The following PDZD2 variants were observed in gnomAD, a reference collection of about 807,000 sequenced individuals.
PDZD2 encodes the protein PDZ domain containing 2.
In PDZD2, 90 loss-of-function variants were observed where a neutral mutation model predicts 220.7. The ratio of observed to expected loss-of-function variants is 0.41; its 90% CI spans 0.34 to 0.49. The LOEUF (loss-of-function observed/expected upper bound fraction) is 0.49. Ranked by LOEUF, PDZD2 falls within the 20% of genes least tolerant of loss-of-function variation. The probability of loss-of-function intolerance (pLI) is 0.28; values close to 1 mark genes in which losing one functional copy is unlikely to be tolerated. For missense variants in PDZD2, 3,174 were observed against 3,608.5 expected, an observed-to-expected ratio of 0.88 and a Z score of 3.08; for synonymous variants, 1,375 against 1,450.5, an observed-to-expected ratio of 0.95 and a Z score of 1.18.
intron 2 of PDZD2, among the ~76,000 whole-genome samples, chr5:31,870,727 A>T (rs1738713154): frequency 6.6e-6 from 1 of 152,040 alleles, no homozygotes; most frequent in Non-Finnish European, 1.5e-5. Context: ...CATTTCTACT[A>T]AAAATACAAA....
rs1491302993 is a variant in PDZD2 at position 31,752,069 on chromosome 5, G to GT, written c.-360-46817dup. Among the ~76,000 whole-genome samples, 114 of 95,830 alleles carry GT rather than the reference G, an allele frequency of 1.2e-3. 1 individual carries two copies. Among genetic ancestry groups the GT allele is most frequent in the African/African-American group, 4.6e-3 (105 of 22,722 alleles). The allele number at this position is 95,830 out of a possible 152,430, so 62.9% of individuals were successfully genotyped here. On this transcript the variant is annotated intron_variant, in intron 1 of 24. Coordinates refer to ENST00000438447, the MANE Select transcript of PDZD2 (RefSeq NM_178140.4). The stretch of plus-strand genomic sequence containing the variant: ...TTGTTTGTTTGTTTTATTGTTTTGG[G>GT]TTTGTTTTTTTTTTTTTTTTTCTGA...
At chr5:32,055,029 A>T (rs1738966451) in intron 10 of PDZD2, among the ~76,000 whole-genome samples, 1 of 152,148 alleles carries the variant, frequency 6.6e-6, no homozygotes, top group African/African-American at 2.4e-5. Context: ...AATAGGCCAA[A>T]GTTTCCTTTC....
At chr5:31,893,043 T>G (rs1741199398) in intron 2 of PDZD2, among the ~76,000 whole-genome samples, 1 of 152,184 alleles carries the variant, frequency 6.6e-6, no homozygotes, top group Admixed American at 6.6e-5. Context: ...ACTAAGCTTT[T>G]CTTTTTCCTG....
intron 2 of PDZD2, among the ~76,000 whole-genome samples, chr5:31,804,377 A>G (rs1447918822): frequency 6.6e-6 from 1 of 152,218 alleles, no homozygotes; most frequent in Non-Finnish European, 1.5e-5. Context: ...ACAATCAAGG[A>G]GTTAACAAGA....
intron 8 of PDZD2, 30 bp from the exon 9 acceptor site, chr5:32,052,581 T>C: frequency 1.2e-6 from 2 of 1,609,900 alleles, no homozygotes; most frequent in Middle Eastern, 1.7e-4. Flanking sequence ...ATGAGAGTAA[T>C]CTCTGACCTT....
intron 1 of PDZD2, among the ~76,000 whole-genome samples, chr5:31,784,796 A>G (rs997467471): frequency 1.3e-5 from 2 of 152,040 alleles, no homozygotes; most frequent in African/African-American, 2.4e-5. Context: ...AATCCCAGCT[A>G]CTCGGGAGGC....
At chr5:31,906,848 A>G (rs981888388) in intron 2 of PDZD2, among the ~76,000 whole-genome samples, 5 of 152,160 alleles carry the variant, frequency 3.3e-5, no homozygotes, top group African/African-American at 1.2e-4. Context: ...GTCTCAAAAA[A>G]AAGAAAAAAC....
At chr5:31,717,313 A>C (rs1263418273) in intron 1 of PDZD2, among the ~76,000 whole-genome samples, 1 of 152,186 alleles carries the variant, frequency 6.6e-6, no homozygotes, top group Admixed American at 6.5e-5. Context: ...ACTGGAATAC[A>C]TAGATGTGCC....
intron 1 of PDZD2, among the ~76,000 whole-genome samples, chr5:31,661,018 G>C (rs1745741271): frequency 1.3e-5 from 2 of 152,292 alleles, no homozygotes; most frequent in Admixed American, 1.3e-4. Flanking sequence ...ACAGGCATGA[G>C]CCACTGTGAC....
chr5:31,788,049 T>A (rs1753480800), intron 1 of PDZD2, among the ~76,000 whole-genome samples: 2 of 152,120 alleles, frequency 1.3e-5, no homozygotes, highest in African/African-American at 2.4e-5. Flanking sequence ...TCATCTAGTG[T>A]AGAGTCAGCC....
intron 2 of PDZD2, among the ~76,000 whole-genome samples, chr5:31,827,490 C>T (rs373609959): frequency 1.3e-5 from 2 of 151,846 alleles, no homozygotes; most frequent in Non-Finnish European, 2.9e-5. Context: ...ATCAGGAGTT[C>T]GAGACTAGCC....
At chr5:32,081,635 G>A (rs1435526005) in intron 19 of PDZD2, among the ~76,000 whole-genome samples, 1 of 152,206 alleles carries the variant, frequency 6.6e-6, no homozygotes, top group Non-Finnish European at 1.5e-5. Flanking sequence ...GAGTACTTGA[G>A]TGCTCGTAGC....
intron 1 of PDZD2, among the ~76,000 whole-genome samples, chr5:31,701,596 C>G (rs1747612933): frequency 6.6e-6 from 1 of 152,160 alleles, no homozygotes; most frequent in Non-Finnish European, 1.5e-5. Context: ...TTCTTCCTGT[C>G]TTATTTAGAA....
intron 2 of PDZD2, among the ~76,000 whole-genome samples, chr5:31,857,421 T>C (rs717164): frequency 0.042 from 6,381 of 152,240 alleles, 159 homozygotes; most frequent in Non-Finnish European, 0.054. Context: ...GCTGGTAAAA[T>C]ACACCTTCCA....
Position 32,057,748 on chromosome 5 carries a change from T to G in PDZD2, c.1974+20T>G, listed in dbSNP as rs2112328053. 6.6e-7 allele frequency: 1 copy of G among 1,506,094 alleles called. No homozygotes were observed. Among genetic ancestry groups the G allele is most frequent in the Non-Finnish European group, 9.2e-7 (1 of 1,084,760 alleles). 93.3% of individuals were successfully genotyped at this position (1,506,094 alleles called of 1,614,324 possible). On this transcript the variant is annotated intron_variant, in intron 11 of 24. Transcript: ENST00000438447. ...TTTAAGGTAACAACATTCTTATTGATCTCCTTTATCCTATTTTCCTTTCTT... is the reference window on the plus strand; with the variant it reads ...TTTAAGGTAACAACATTCTTATTGAGCTCCTTTATCCTATTTTCCTTTCTT...
At chr5:31,680,990 C>A (rs1271969777) in intron 1 of PDZD2, among the ~76,000 whole-genome samples, 2 of 152,100 alleles carry the variant, frequency 1.3e-5, no homozygotes, top group Non-Finnish European at 2.9e-5. Flanking sequence ...TGAATTCCTT[C>A]CCAAGATCCC....
chr5:31,893,670 T>G (rs1353888037), intron 2 of PDZD2, among the ~76,000 whole-genome samples: 2 of 152,206 alleles, frequency 1.3e-5, no homozygotes, highest in African/African-American at 4.8e-5. Flanking sequence ...TATGTCTAAG[T>G]CTGTCTTAAA....
At chr5:31,781,846 T>C (rs1473723511) in intron 1 of PDZD2, among the ~76,000 whole-genome samples, 2 of 152,192 alleles carry the variant, frequency 1.3e-5, no homozygotes, top group African/African-American at 2.4e-5. Context: ...CAGAGGGGAC[T>C]ACTATTTACA....
In PDZD2 at chr5:32,037,299, C is replaced by A. The variant is rs1430989360; in HGVS notation, c.1476C>A (p.Pro492=). The change falls in exon 7 of 25, where the codon CCC becomes CCA. Residue 492 remains proline, a synonymous_variant. Transcript: ENST00000438447. The stretch of plus-strand genomic sequence containing the variant: ...AATCCAAGGGGAACTTGGAAAGTCC[C>A]AAACAGGGCAGCAATAAAATCAAGC... ...AEESKGNLES[P]KQGSNKIKLK... is the part of the protein sequence containing the mutation. 5 of 1,613,412 alleles carry A rather than the reference C, an allele frequency of 3.1e-6. No individual in the cohort carries two copies. The South Asian group carries it at 5.5e-5, about 18-fold the overall frequency.
Sources: allele counts gnomAD v4.1 joint callset (sites outside exome capture counted in the v4.1 genomes callset), GRCh38; gene constraint gnomAD v4.1.1; transcripts MANE v1.5; gene names NCBI Gene and HGNC (gene_info 2026-07-23, HGNC 2026-07-21).